LMX1A: variants seen among roughly 807,000 people sequenced by gnomAD.
The protein encoded by LMX1A is LIM homeobox transcription factor 1-alpha.
In LMX1A, 15 loss-of-function variants were observed where a neutral mutation model predicts 49.1. The ratio of observed to expected loss-of-function variants is 0.31; its 90% CI spans 0.20 to 0.47. LMX1A has a LOEUF of 0.47. Ranked by LOEUF, LMX1A falls within the 20% of genes least tolerant of loss-of-function variation. The pLI, the probability that LMX1A is intolerant of heterozygous loss-of-function variation, is 1.00. For missense variants in LMX1A, 372 were observed against 475.8 expected, an observed-to-expected ratio of 0.78 and a Z score of 2.03; for synonymous variants, 167 against 185.7, an observed-to-expected ratio of 0.90 and a Z score of 0.82.
At chr1:165,342,814 G>T (rs1656117290) in intron 3 of LMX1A, among the ~76,000 whole-genome samples, 1 of 151,928 alleles carries the variant, frequency 6.6e-6, no homozygotes, top group African/African-American at 2.4e-5. Context: ...TGAGAATTGT[G>T]ATCTCACTGG....
intron 3 of LMX1A, among the ~76,000 whole-genome samples, chr1:165,348,348 C>A (rs1656311324): frequency 6.6e-6 from 1 of 151,980 alleles, no homozygotes; most frequent in African/African-American, 2.4e-5. Flanking sequence ...AAGTCTTACC[C>A]AGGGACCAAT....
intron 3 of LMX1A, among the ~76,000 whole-genome samples, chr1:165,347,150 C>T (rs1282240164): frequency 6.6e-6 from 1 of 152,210 alleles, no homozygotes; most frequent in Admixed American, 6.5e-5. Flanking sequence ...AAGACAAAGT[C>T]TCCCTCTCTT....
In LMX1A at chr1:165,355,894, G is replaced by T; in HGVS notation, c.-22-313C>A. The T allele has an allele frequency of 2.7e-6, 1 of 377,152 alleles. No individual in the cohort carries two copies. The highest frequency in any genetic ancestry group is 3.6e-5 in the South Asian group (1 of 27,548). The allele number at this position is 377,152 out of a possible 1,614,324, so 23.4% of individuals were successfully genotyped here. On this transcript the variant is annotated intron_variant, in intron 1 of 8. Transcript: ENST00000342310. This position sits in a 1 kb window ranked among gnomAD's most constrained non-coding sequence, Gnocchi z 4.7. ...GCCCCAGGTTTTCCATCCCGAATCC[G>T]ACTCCGCCCCAACCTATACGAAGGT...
chr1:165,293,495 G>A (rs1557875786), intron 3 of LMX1A, among the ~76,000 whole-genome samples: 1 of 152,240 alleles, frequency 6.6e-6, no homozygotes, highest in Non-Finnish European at 1.5e-5. Context: ...GTAAGGCTGT[G>A]ATTCTCGGCA....
chr1:165,336,727 A>T (rs1655909659), intron 3 of LMX1A, among the ~76,000 whole-genome samples: 1 of 152,084 alleles, frequency 6.6e-6, no homozygotes, highest in South Asian at 2.1e-4. Flanking sequence ...CTTCATTTTC[A>T]TTCACTCTCA....
At chr1:165,274,227 C>A (rs1208989861) in intron 3 of LMX1A, among the ~76,000 whole-genome samples, 2 of 152,190 alleles carry the variant, frequency 1.3e-5, no homozygotes, top group Non-Finnish European at 2.9e-5. Flanking sequence ...CCATCCATTG[C>A]CAATACCTCT....
chr1:165,347,077 A>G (rs1656268990), intron 3 of LMX1A, among the ~76,000 whole-genome samples: 1 of 152,204 alleles, frequency 6.6e-6, no homozygotes, highest in Non-Finnish European at 1.5e-5. Flanking sequence ...AAAATAACTA[A>G]AACACCTCAT....
chr1:165,287,272 A>C (rs896448578), intron 3 of LMX1A, among the ~76,000 whole-genome samples: 2 of 152,122 alleles, frequency 1.3e-5, no homozygotes, highest in African/African-American at 4.8e-5. Context: ...TGACTTTAGA[A>C]ATTCTCTTCA....
Position 165,355,928 on chromosome 1 carries a change from G to C in LMX1A, c.-22-347C>G. 3.7e-6 allele frequency: 1 copy of C among 270,752 alleles called. No individual in the cohort carries two copies. The highest frequency in any genetic ancestry group is 7.1e-6 in the Non-Finnish European group (1 of 141,652). 16.8% of individuals were successfully genotyped at this position (270,752 alleles called of 1,614,324 possible). Reference sequence around the variant, plus strand: ...CCAACCTATACGAAGGTGGGCCCTCGGGACGTCTCTGCAGGAACGCAGCTA... The same window carrying C: ...CCAACCTATACGAAGGTGGGCCCTCCGGACGTCTCTGCAGGAACGCAGCTA... On this transcript the variant is annotated intron_variant, in intron 1 of 8. Transcript: ENST00000342310. The surrounding 1 kb of genome is among the most constrained non-coding windows in gnomAD (Gnocchi z 4.7).
chr1:165,269,440 T>A (rs1653722043), intron 3 of LMX1A, among the ~76,000 whole-genome samples: 1 of 152,210 alleles, frequency 6.6e-6, no homozygotes, highest in African/African-American at 2.4e-5. Flanking sequence ...GAACTTCCTG[T>A]GATGATGAAA....
intron 3 of LMX1A, among the ~76,000 whole-genome samples, chr1:165,346,949 G>T (rs1656264228): frequency 6.6e-6 from 1 of 152,106 alleles, no homozygotes; most frequent in African/African-American, 2.4e-5. Context: ...TGACATTTGG[G>T]GGGTGTTTGC....
chr1:165,298,914 G>A (rs1037255045), intron 3 of LMX1A, among the ~76,000 whole-genome samples: 5 of 152,236 alleles, frequency 3.3e-5, no homozygotes, highest in African/African-American at 1.2e-4. Context: ...GTCTGCATGT[G>A]AGAAGAGATC....
chr1:165,235,516 CT>C (rs1652400493), intron 4 of LMX1A, among the ~76,000 whole-genome samples: 1 of 152,182 alleles, frequency 6.6e-6, no homozygotes, highest in Non-Finnish European at 1.5e-5. Context: ...AGCGGAGAGC[CT>C]TTGGATTTAC....
At chr1:165,273,109 T>C (rs1173306780) in intron 3 of LMX1A, among the ~76,000 whole-genome samples, 1 of 152,212 alleles carries the variant, frequency 6.6e-6, no homozygotes, top group African/African-American at 2.4e-5. Flanking sequence ...AGAGCACTAC[T>C]GAGGATGTCT....
At chr1:165,221,752 G>A (rs562581592) in intron 4 of LMX1A, among the ~76,000 whole-genome samples, 24 of 152,212 alleles carry the variant, frequency 1.6e-4, no homozygotes, top group Non-Finnish European at 3.2e-4. Context: ...GCTGGCTGGT[G>A]CTCATGAAGG....
chr1:165,229,179 A>G (rs1049173363), intron 4 of LMX1A, among the ~76,000 whole-genome samples: 34 of 152,242 alleles, frequency 2.2e-4, no homozygotes, highest in African/African-American at 7.9e-4. Context: ...CACCACATCA[A>G]CTGTGAATCA....
intron 3 of LMX1A, among the ~76,000 whole-genome samples, chr1:165,294,822 G>T (rs1654571055): frequency 6.6e-6 from 1 of 152,182 alleles, no homozygotes; most frequent in South Asian, 2.1e-4. Context: ...AAATTATCCA[G>T]ATGTGGTGGC....
At chr1:165,216,947 T>C (rs1651662676) in intron 4 of LMX1A, among the ~76,000 whole-genome samples, 1 of 152,188 alleles carries the variant, frequency 6.6e-6, no homozygotes, top group African/African-American at 2.4e-5. Flanking sequence ...TGGGATGATA[T>C]ATGTAAAGGG....
At chr1:165,238,763 A>T (rs1652539373) in intron 4 of LMX1A, among the ~76,000 whole-genome samples, 1 of 152,202 alleles carries the variant, frequency 6.6e-6, no homozygotes, top group Non-Finnish European at 1.5e-5. Flanking sequence ...AACAAAACAT[A>T]AGGTTCATTT....
Sources: allele counts gnomAD v4.1 joint callset (sites outside exome capture counted in the v4.1 genomes callset), GRCh38; gene constraint gnomAD v4.1.1; non-coding constraint Gnocchi (gnomAD v3.1); transcripts MANE v1.5; gene names NCBI Gene and HGNC (gene_info 2026-07-23, HGNC 2026-07-21).